The following ARHGAP15 variants were observed in gnomAD, a reference collection of about 807,000 sequenced individuals.
ARHGAP15 encodes the protein Rho GTPase activating protein 15, also known as rho GTPase-activating protein 15.
In ARHGAP15, 51 loss-of-function variants were observed where a neutral mutation model predicts 63.7. The ratio of observed to expected loss-of-function variants is 0.80; its 90% CI spans 0.64 to 1.01. ARHGAP15 has a LOEUF of 1.01. Among genes scored for constraint, ARHGAP15 ranks in the 50% least tolerant of loss-of-function variants. The probability of loss-of-function intolerance (pLI) is 0.00; values close to 1 mark genes in which losing one functional copy is unlikely to be tolerated. For missense variants in ARHGAP15, 560 were observed against 564.6 expected (o/e 0.99, Z 0.08); for synonymous variants, 191 against 193.8 (o/e 0.99, Z 0.12).
chr2:143,239,078 C>T (rs572908263), intron 5 of ARHGAP15, among the ~76,000 whole-genome samples: 2 of 152,168 alleles, frequency 1.3e-5, no homozygotes, highest in South Asian at 4.2e-4. Context: ...CTAATAGATG[C>T]TGGGCTTAAT....
chr2:143,296,848 T>C (rs1394525137), intron 6 of ARHGAP15, among the ~76,000 whole-genome samples: 1 of 151,952 alleles, frequency 6.6e-6, no homozygotes, highest in African/African-American at 2.4e-5. Flanking sequence ...TCCCAGTGTC[T>C]GCTGTTTCCT....
intron 6 of ARHGAP15, among the ~76,000 whole-genome samples, chr2:143,319,040 T>C (rs1176764225): frequency 6.6e-6 from 1 of 152,162 alleles, no homozygotes; most frequent in East Asian, 1.9e-4. Context: ...TATAGATTTG[T>C]GTAGTTACCT....
intron 12 of ARHGAP15, among the ~76,000 whole-genome samples, chr2:143,679,651 G>A (rs73961832): frequency 3.2e-3 from 149 of 46,814 alleles, no homozygotes; most frequent in African/African-American, 4.8e-3. Context: ...GGGTGCGTGT[G>A]TGCGTGTGTG....
chr2:143,433,038 A>C (rs1281374180), intron 6 of ARHGAP15, among the ~76,000 whole-genome samples: 1 of 152,072 alleles, frequency 6.6e-6, no homozygotes, highest in African/African-American at 2.4e-5. Context: ...TTAGATTGTC[A>C]TCATAAGTTG....
intron 6 of ARHGAP15, among the ~76,000 whole-genome samples, chr2:143,315,922 T>G (rs1350283770): frequency 6.6e-6 from 1 of 151,834 alleles, no homozygotes; most frequent in African/African-American, 2.4e-5. Flanking sequence ...GCGTCTGTAC[T>G]AAAAATACAA....
intron 13 of ARHGAP15, among the ~76,000 whole-genome samples, chr2:143,745,230 A>G (rs1416050090): frequency 6.6e-6 from 1 of 152,220 alleles, no homozygotes; most frequent in Non-Finnish European, 1.5e-5. Flanking sequence ...TTTTCTGCTG[A>G]ATGGCACATT....
At chr2:143,723,272 A>G (rs372434375) in intron 13 of ARHGAP15, among the ~76,000 whole-genome samples, 11 of 152,188 alleles carry the variant, frequency 7.2e-5, no homozygotes, top group African/African-American at 2.7e-4. Flanking sequence ...TCGTTAAGTG[A>G]CACACTGCCA....
intron 9 of ARHGAP15, among the ~76,000 whole-genome samples, chr2:143,489,902 A>G (rs538345812): frequency 1.3e-5 from 2 of 152,322 alleles, no homozygotes; most frequent in South Asian, 4.1e-4. Flanking sequence ...AAGGTTCAGG[A>G]AAGCTGTGCT....
intron 3 of ARHGAP15, among the ~76,000 whole-genome samples, chr2:143,213,206 A>T (rs757359982): frequency 6.6e-6 from 1 of 152,182 alleles, no homozygotes; most frequent in Non-Finnish European, 1.5e-5. Flanking sequence ...ATAAGTGTAC[A>T]TCAAGTATTA....
chr2:143,596,848 T>A (rs1314125703), intron 11 of ARHGAP15, among the ~76,000 whole-genome samples: 4 of 152,102 alleles, frequency 2.6e-5, no homozygotes, highest in African/African-American at 9.7e-5. Flanking sequence ...TTTCCAAAAT[T>A]CCAGGAACAT....
At chr2:143,245,150 C>T (rs144558685) in intron 5 of ARHGAP15, among the ~76,000 whole-genome samples, 61 of 152,114 alleles carry the variant, frequency 4.0e-4, no homozygotes, top group Non-Finnish European at 7.2e-4. Flanking sequence ...GGTAATGGGA[C>T]AAGACTAGGG....
intron 8 of ARHGAP15, among the ~76,000 whole-genome samples, chr2:143,442,882 T>G (rs1224458031): frequency 6.6e-6 from 1 of 152,150 alleles, no homozygotes; most frequent in African/African-American, 2.4e-5. Context: ...GATTATGACC[T>G]GAACCTTTCA....
At position 143,403,611 on chromosome 2, in the gene ARHGAP15, A is replaced by C. The variant is rs187968437; in HGVS notation, c.475-31990A>C. Among the ~76,000 whole-genome samples, 90 of 152,040 alleles carry C rather than the reference A, an allele frequency of 5.9e-4. 2 individuals carry two copies. In the East Asian group the frequency reaches 0.01, roughly 18 times the overall value. ...TGTTTTTAAAAATTGCATAATACAT[A>C]ATAATGGAGAAGGCATGCCCAGCAA... is the stretch of plus-strand genomic sequence containing the variant. On this transcript the variant is annotated intron_variant, in intron 6 of 13. Coordinates refer to ENST00000295095, the MANE Select transcript of ARHGAP15 (RefSeq NM_018460.4).
At chr2:143,191,535 C>T (rs960728026) in intron 2 of ARHGAP15, among the ~76,000 whole-genome samples, 4 of 152,136 alleles carry the variant, frequency 2.6e-5, no homozygotes, top group African/African-American at 9.7e-5. Flanking sequence ...AAAACATGCC[C>T]CTTGCCCTCA....
chr2:143,395,430 G>T (rs925042958), intron 6 of ARHGAP15, among the ~76,000 whole-genome samples: 2 of 152,128 alleles, frequency 1.3e-5, no homozygotes, highest in African/African-American at 4.8e-5. Flanking sequence ...TCAAAAGAAG[G>T]ATACTAAGCA....
intron 2 of ARHGAP15, among the ~76,000 whole-genome samples, chr2:143,178,075 A>G (rs2105062793): frequency 6.6e-6 from 1 of 152,256 alleles, no homozygotes; most frequent in East Asian, 1.9e-4. Context: ...ATGTTTGAGA[A>G]CCTGTGTGTA....
chr2:143,692,361 T>C lies in ARHGAP15; in HGVS notation c.1139-11058T>C, dbSNP rs1272070382. Among the ~76,000 whole-genome samples, 4 of 152,202 alleles carry C rather than the reference T, an allele frequency of 2.6e-5. No individual in the cohort carries two copies. In the East Asian group the frequency reaches 7.7e-4, roughly 29 times the overall value. On this transcript the variant is annotated intron_variant, in intron 12 of 13. Transcript: ENST00000295095. ...GGAAGCTTAAAGCGTCTGCCTGCAC[T>C]GTGCCTGGCTCAACTACAGCTAGAA...
At chr2:143,365,276 AAAAT>A (rs1270216741) in intron 6 of ARHGAP15, among the ~76,000 whole-genome samples, 2 of 152,182 alleles carry the variant, frequency 1.3e-5, no homozygotes, top group Non-Finnish European at 2.9e-5. Flanking sequence ...CCTAAGGAGT[AAAAT>A]AAATAAGAAG....
chr2:143,158,743 A>C (rs1185281676), intron 2 of ARHGAP15, among the ~76,000 whole-genome samples: 1 of 151,864 alleles, frequency 6.6e-6, no homozygotes, highest in Non-Finnish European at 1.5e-5. Flanking sequence ...CCAGAGTGAG[A>C]CCTCTTAAAG....
Sources: gnomAD v4.1 joint callset for allele counts (sites outside exome capture counted in the v4.1 genomes callset) on GRCh38, gnomAD v4.1.1 for gene constraint, MANE v1.5 for transcripts, NCBI Gene and HGNC (gene_info 2026-07-23, HGNC 2026-07-21) for gene names.